Variants in ATRNL1 observed in about 807,000 individuals in gnomAD.
The protein encoded by ATRNL1 is attractin-like protein 1.
A neutral mutation model predicts 182.7 loss-of-function variants in ATRNL1; 95 were observed. The ratio of observed to expected loss-of-function variants is 0.52; its 90% CI spans 0.44 to 0.62. The LOEUF is 0.62. ATRNL1 is among the 20% of genes least tolerant of loss of function. ATRNL1 has a pLI of 0.00. For missense variants in ATRNL1, 1,471 were observed against 1,679.5 expected, an observed-to-expected ratio of 0.88 and a Z score of 2.17; for synonymous variants, 576 against 568.3, an observed-to-expected ratio of 1.01 and a Z score of -0.19.
intron 26 of ATRNL1, among the ~76,000 whole-genome samples, chr10:115,683,555 T>TGTG (rs1224482382): frequency 2.1e-5 from 3 of 140,802 alleles, no homozygotes; most frequent in African/African-American, 9.1e-5. Flanking sequence ...AGCGTTTTTT[T>TGTG]TTTTTTTTTG....
intron 24 of ATRNL1, among the ~76,000 whole-genome samples, chr10:115,493,362 C>T (rs1554977218): frequency 6.6e-6 from 1 of 152,148 alleles, no homozygotes; most frequent in Admixed American, 6.5e-5. Context: ...TGAGAACATG[C>T]AATATTTGGT....
At chr10:115,868,579 C>G in intron 28 of ATRNL1, among the ~76,000 whole-genome samples, 1 of 152,160 alleles carries the variant, frequency 6.6e-6, no homozygotes, top group East Asian at 1.9e-4. Flanking sequence ...AATGCATACT[C>G]TCTGCCTCTC....
intron 3 of ATRNL1, among the ~76,000 whole-genome samples, chr10:115,126,107 G>A (rs1199746617): frequency 2.0e-5 from 3 of 152,206 alleles, no homozygotes; most frequent in African/African-American, 7.2e-5. Context: ...CACCAGGCTG[G>A]AGTGCAGTGG....
intron 19 of ATRNL1, among the ~76,000 whole-genome samples, chr10:115,338,842 T>C (rs1855611435): frequency 6.6e-6 from 1 of 152,196 alleles, no homozygotes; most frequent in African/African-American, 2.4e-5. Flanking sequence ...TGTTTTGTTC[T>C]GGTAGTTTCA....
chr10:115,534,433 C>G (rs1554989535), intron 25 of ATRNL1, among the ~76,000 whole-genome samples: 1 of 152,184 alleles, frequency 6.6e-6, no homozygotes, highest in East Asian at 1.9e-4. Flanking sequence ...CAACCCCTGC[C>G]TTTTTTTGTT....
intron 5 of ATRNL1, among the ~76,000 whole-genome samples, chr10:115,147,105 G>A (rs1554879557): frequency 6.6e-6 from 1 of 152,056 alleles, no homozygotes; most frequent in African/African-American, 2.4e-5. Context: ...TGTATTAAGA[G>A]TTCCCTTTTC....
intron 26 of ATRNL1, among the ~76,000 whole-genome samples, chr10:115,637,758 G>A (rs1858978551): frequency 6.6e-6 from 1 of 151,626 alleles, no homozygotes; most frequent in Admixed American, 6.6e-5. Flanking sequence ...CCAAGTAGCT[G>A]GGATTCCAGG....
rs1230812310 is a variant in ATRNL1, at chr10:115,527,974, TTCCCTCCCTCCCTCCC to T, written c.3716+8660_3716+8675del. 1.4e-3 allele frequency among the ~76,000 whole-genome samples: 51 copies of T among 36,154 alleles called. 2 individuals carry two copies. Among genetic ancestry groups the T allele is most frequent in the African/African-American group, 7.0e-3 (51 of 7,240 alleles). The allele number at this position is 36,154 out of a possible 152,430, so 23.7% of individuals were successfully genotyped here. A position where few individuals can be genotyped will look rare whatever the true frequency, so the allele number is the denominator to read the frequency against. The stretch of plus-strand genomic sequence containing the variant: ...CTTCTTTCCTTCCCTCCCTCCCTCC[TTCCCTCCCTCCCTCCC>T]TCCCTCCCTTCCTTCCTTCCTTCCT... On this transcript the variant is annotated intron_variant, in intron 25 of 28. Coordinates refer to ENST00000355044, the MANE Select transcript of ATRNL1 (RefSeq NM_207303.4).
At chr10:115,786,578 A>G (rs1949402082) in intron 27 of ATRNL1, among the ~76,000 whole-genome samples, 1 of 152,166 alleles carries the variant, frequency 6.6e-6, no homozygotes, top group Non-Finnish European at 1.5e-5. Flanking sequence ...GATACAAGTC[A>G]TTGGATTTAA....
intron 1 of ATRNL1, among the ~76,000 whole-genome samples, chr10:115,114,604 G>T (rs1554869277): frequency 1.3e-5 from 2 of 151,490 alleles, no homozygotes; most frequent in Non-Finnish European, 2.9e-5. Flanking sequence ...TTTTTCAAAA[G>T]AAAACATACA....
intron 26 of ATRNL1, among the ~76,000 whole-genome samples, chr10:115,591,262 A>G (rs1555012133): frequency 6.6e-6 from 1 of 152,148 alleles, no homozygotes; most frequent in African/African-American, 2.4e-5. Flanking sequence ...TCAATTTCCC[A>G]CAAGATAACA....
intron 19 of ATRNL1, among the ~76,000 whole-genome samples, chr10:115,372,275 C>T (rs1175986081): frequency 6.6e-6 from 1 of 152,120 alleles, no homozygotes; most frequent in African/African-American, 2.4e-5. Context: ...ACCCCTCATC[C>T]AGGTATATGA....
rs566323182 is a variant in ATRNL1 at position 115,445,103 on chromosome 10, CT to C, written c.3323-16830del. On this transcript the variant is annotated intron_variant, in intron 21 of 28. Coordinates refer to ENST00000355044, the MANE Select transcript of ATRNL1 (RefSeq NM_207303.4). ...TATATATTTTCCATAAATATTACTT[CT>C]TTTTTTTATTTTGACATTTATTTCT... Among the ~76,000 whole-genome samples, 8 of 151,764 alleles carry C rather than the reference CT, an allele frequency of 5.3e-5. No homozygotes were observed. The East Asian group carries it at 7.8e-4, about 15-fold the overall frequency.
intron 27 of ATRNL1, among the ~76,000 whole-genome samples, chr10:115,827,365 T>C (rs1589566624): frequency 6.6e-6 from 1 of 152,292 alleles, no homozygotes; most frequent in East Asian, 1.9e-4. Context: ...GATTTCACAG[T>C]TTAAAATATG....
intron 26 of ATRNL1, among the ~76,000 whole-genome samples, chr10:115,597,238 C>A (rs1555014295): frequency 6.6e-6 from 1 of 152,086 alleles, no homozygotes; most frequent in Non-Finnish European, 1.5e-5. Flanking sequence ...TCTAGTGAAT[C>A]ATGTAAGTTC....
intron 27 of ATRNL1, among the ~76,000 whole-genome samples, chr10:115,782,210 G>GA (rs1949282489): frequency 6.6e-6 from 1 of 152,156 alleles, no homozygotes; most frequent in Non-Finnish European, 1.5e-5. Flanking sequence ...TCTTCAATCT[G>GA]AATCAGGTAA....
At chr10:115,189,043 A>G (rs112556661) in intron 8 of ATRNL1, among the ~76,000 whole-genome samples, 23 of 152,304 alleles carry the variant, frequency 1.5e-4, no homozygotes, top group African/African-American at 5.1e-4. Context: ...GCCATGCACA[A>G]TATTTCAATT....
intron 21 of ATRNL1, among the ~76,000 whole-genome samples, chr10:115,447,570 G>T (rs1847064292): frequency 6.6e-6 from 1 of 151,624 alleles, no homozygotes; most frequent in South Asian, 2.1e-4. Context: ...TTGCTTTTAT[G>T]TGCAACATAT....
chr10:115,557,606 C>A (rs1853387919), intron 26 of ATRNL1, among the ~76,000 whole-genome samples: 1 of 152,134 alleles, frequency 6.6e-6, no homozygotes, highest in Non-Finnish European at 1.5e-5. Context: ...CCAACAACAG[C>A]AATTTTAGTG....
Sources: gnomAD v4.1 joint callset for allele counts (sites outside exome capture counted in the v4.1 genomes callset) on GRCh38, gnomAD v4.1.1 for gene constraint, MANE v1.5 for transcripts, NCBI Gene and HGNC (gene_info 2026-07-23, HGNC 2026-07-21) for gene names.